Variants in TESPA1 observed in about 807,000 individuals in gnomAD.
The protein encoded by TESPA1 is protein TESPA1.
TESPA1 carries 33 observed loss-of-function variants against 57.9 expected under a neutral mutation model. The ratio of observed to expected loss-of-function variants is 0.57; its 90% CI spans 0.43 to 0.76. The LOEUF is 0.76. TESPA1 is among the 30% of genes least tolerant of loss of function. TESPA1 has a pLI of 0.00. For missense variants in TESPA1, 618 were observed against 632.9 expected, an observed-to-expected ratio of 0.98 and a Z score of 0.25; for synonymous variants, 227 against 228.9, an observed-to-expected ratio of 0.99 and a Z score of 0.07.
rs922800762 is a variant in TESPA1, at chr12:54,984,644, C to A, written c.-105G>T. ...GCAGTTGTCGAAGCTGGGCCGAGGC[C>A]TTCACAGGTGTGGGCACAGAGGTGA... is the stretch of plus-strand genomic sequence containing the variant. On this transcript the variant is annotated 5_prime_UTR_variant, in exon 1 of 11. It adds an upstream start codon to the 5' untranslated region. Coordinates refer to ENST00000449076, the MANE Select transcript of TESPA1 (RefSeq NM_001136030.3). The A allele has an allele frequency of 6.6e-6, 1 of 152,314 alleles. No homozygotes were observed. Among genetic ancestry groups the A allele is most frequent in the Non-Finnish European group, 1.5e-5 (1 of 68,114 alleles). The allele number at this position is 152,314 out of a possible 1,614,324, so 9.4% of individuals were successfully genotyped here. A position where few individuals can be genotyped will look rare whatever the true frequency, so the allele number is the denominator to read the frequency against.
intron 1 of TESPA1, among the ~76,000 whole-genome samples, chr12:54,979,373 C>T (rs1289106895): frequency 1.3e-5 from 2 of 152,130 alleles, no homozygotes; most frequent in African/African-American, 4.8e-5. Context: ...GATATCTGTT[C>T]TCCAATTTTC....
Position 54,974,531 on chromosome 12 carries a change from C to T in TESPA1, c.32G>A (p.Trp11Ter). 3 of 1,599,804 alleles carry T rather than the reference C, an allele frequency of 1.9e-6. No homozygotes were observed. Among genetic ancestry groups the T allele is most frequent in the Non-Finnish European group, 2.6e-6 (3 of 1,173,158 alleles). Residue 11 changes from tryptophan to a stop codon, truncating the protein, a stop_gained, in exon 2 of 11, where the codon TGG (tryptophan) becomes TAG (stop). Coordinates refer to ENST00000449076, the MANE Select transcript of TESPA1 (RefSeq NM_001136030.3). LOFTEE classifies it high-confidence loss of function. MEASVLSPTSWEKRRAWLRQS... is the reference protein window; with the variant it reads MEASVLSPTS ...ACGGAGCCAGGCCCGCCGTTTCTCC[C>T]AGGATGTGGGGCTCAGCACAGAGGC...
rs1300476232 is a variant in TESPA1, at chr12:54,966,131, C to T, written c.368G>A (p.Arg123Lys). The change falls in exon 7 of 11, where the codon AGG becomes AAG. Residue 123 changes from arginine to lysine, a missense_variant. Arg to Lys is a conservative substitution (Grantham distance 26). This residue lies in a region of TESPA1 where 199 missense variants were observed against 184.0 expected (regional missense o/e 1.08). Coordinates refer to ENST00000449076, the MANE Select transcript of TESPA1 (RefSeq NM_001136030.3). ...LFSRSFLETA[R>K]PCQLLDLGCS... ...GCCAAGATCAAGTAGCTGGCAAGGC[C>T]TGGCTGTCTCGAGGAAACTCCTGCA... is the stretch of plus-strand genomic sequence containing the variant. 1 of 1,570,938 alleles carries T rather than the reference C, an allele frequency of 6.4e-7. No individual in the cohort carries two copies. The highest frequency in any genetic ancestry group is 8.6e-7 in the Non-Finnish European group (1 of 1,157,218).
At chr12:54,959,067 G>T (rs571189496) in intron 10 of TESPA1, among the ~76,000 whole-genome samples, 1 of 152,088 alleles carries the variant, frequency 6.6e-6, no homozygotes, top group Non-Finnish European at 1.5e-5. Flanking sequence ...AACTGGACGC[G>T]ATGTACTGAG....
chr12:54,962,471 G>A lies in TESPA1; in HGVS notation c.1427C>T (p.Ser476Phe), dbSNP rs1951139908. 1 of 1,612,518 alleles carries A rather than the reference G, an allele frequency of 6.2e-7. No homozygotes were observed. The highest frequency in any genetic ancestry group is 2.2e-5 in the East Asian group (1 of 44,864). ...QSVDRPELRRSLSQQPQDTFD... is the reference protein window; with the variant it reads ...QSVDRPELRRFLSQQPQDTFD... Reference sequence around the variant, plus strand: ...AGTGTCCTGTGGCTGCTGGCTTAAAGACCGACGCAGTTCTGGTCTGTCTAC... The same window carrying A: ...AGTGTCCTGTGGCTGCTGGCTTAAAAACCGACGCAGTTCTGGTCTGTCTAC... The change falls in exon 9 of 11, where the codon TCT becomes TTT. Residue 476 changes from serine to phenylalanine, a missense_variant. Transcript: ENST00000449076.
At chr12:54,971,298 G>A (rs935910731) in intron 3 of TESPA1, among the ~76,000 whole-genome samples, 5 of 152,218 alleles carry the variant, frequency 3.3e-5, no homozygotes, top group African/African-American at 1.2e-4. Flanking sequence ...TTTCCTCTGT[G>A]GCCTTGGAGC....
In TESPA1 at chr12:54,950,220, T is replaced by C. The variant is rs1188845342; in HGVS notation, c.*172A>G. 2.2e-6 allele frequency: 1 copy of C among 455,294 alleles called. No homozygotes were observed. The highest frequency in any genetic ancestry group is 2.4e-5 in the Admixed American group (1 of 42,490). 28.2% of individuals were successfully genotyped at this position (455,294 alleles called of 1,614,324 possible). On this transcript the variant is annotated 3_prime_UTR_variant, in exon 11 of 11. Transcript: ENST00000449076. Reference sequence around the variant, plus strand: ...GATTCCAAATCGCTCAGTCTGGTCTTCCTCCCCATGTACCATGCTGCCTTT... The same window carrying C: ...GATTCCAAATCGCTCAGTCTGGTCTCCCTCCCCATGTACCATGCTGCCTTT...
intron 10 of TESPA1, among the ~76,000 whole-genome samples, chr12:54,955,336 C>T (rs1045417170): frequency 3.9e-5 from 6 of 152,198 alleles, no homozygotes; most frequent in African/African-American, 1.4e-4. Flanking sequence ...TGACATCCAT[C>T]CCTTTGAAAT....
intron 10 of TESPA1, among the ~76,000 whole-genome samples, chr12:54,951,765 T>C (rs1308399685): frequency 1.4e-5 from 2 of 142,210 alleles, no homozygotes; most frequent in Non-Finnish European, 3.0e-5. Flanking sequence ...ACTTGGTTTC[T>C]ATTTGCAACC....
At position 54,963,024 on chromosome 12, in the gene TESPA1, G is replaced by A; in HGVS notation, c.874C>T (p.Leu292=). The change falls in exon 9 of 11, where the codon CTG becomes TTG. Residue 292 remains leucine, a synonymous_variant. Coordinates refer to ENST00000449076, the MANE Select transcript of TESPA1 (RefSeq NM_001136030.3). ...GGCCGGTCTCGGGGGCATGTGTACAGACACATCTTGGAGATGGCTTTCCGA... is the reference window on the plus strand; with the variant it reads ...GGCCGGTCTCGGGGGCATGTGTACAAACACATCTTGGAGATGGCTTTCCGA... ...RLRKAISKMC[L]YTCPRDRPPP... 1 of 1,613,984 alleles carries A rather than the reference G, an allele frequency of 6.2e-7. No homozygotes were observed. The highest frequency in any genetic ancestry group is 8.5e-7 in the Non-Finnish European group (1 of 1,179,894).
chr12:54,953,754 T>G (rs974759809), intron 10 of TESPA1, among the ~76,000 whole-genome samples: 1 of 152,092 alleles, frequency 6.6e-6, no homozygotes, highest in African/African-American at 2.4e-5. Flanking sequence ...TCTCCTGACC[T>G]CGTGATCTGC....
At chr12:54,967,063 T>G (rs1474652330) in intron 5 of TESPA1, 120 bp downstream of exon 5, 1 of 1,105,292 alleles carries the variant, frequency 9.0e-7, no homozygotes, top group Non-Finnish European at 1.3e-6. Flanking sequence ...CCTTTCCCTG[T>G]AGATAAGACC....
chr12:54,951,611 G>A (rs1950395525), intron 10 of TESPA1, among the ~76,000 whole-genome samples: 1 of 150,942 alleles, frequency 6.6e-6, no homozygotes, highest in Non-Finnish European at 1.5e-5. Flanking sequence ...TTAAAGCCTT[G>A]TCACCCAAAT....
At chr12:54,973,243 A>G (rs1951949124) in intron 3 of TESPA1, among the ~76,000 whole-genome samples, 1 of 152,140 alleles carries the variant, frequency 6.6e-6, no homozygotes, top group African/African-American at 2.4e-5. Context: ...CCCAACCTCT[A>G]TTCCTAGACC....
At chr12:54,956,670 G>C (rs986969814) in intron 10 of TESPA1, among the ~76,000 whole-genome samples, 1 of 152,184 alleles carries the variant, frequency 6.6e-6, no homozygotes, top group Non-Finnish European at 1.5e-5. Context: ...TAATAGAAAA[G>C]GTGCCTGTTT....
intron 10 of TESPA1, among the ~76,000 whole-genome samples, chr12:54,958,134 A>T (rs1220428469): frequency 6.6e-6 from 1 of 152,210 alleles, no homozygotes; most frequent in Admixed American, 6.5e-5. Context: ...TTGTGAGAGG[A>T]ACTTGTGTTC....
At chr12:54,977,988 C>T (rs1592424784) in intron 1 of TESPA1, among the ~76,000 whole-genome samples, 1 of 151,574 alleles carries the variant, frequency 6.6e-6, no homozygotes, top group East Asian at 1.9e-4. Flanking sequence ...GGAAGCTGTA[C>T]TGCTGGGAGA....
chr12:54,974,126 A>G (rs1030973478), intron 2 of TESPA1, among the ~76,000 whole-genome samples: 14 of 152,372 alleles, frequency 9.2e-5, no homozygotes, highest in African/African-American at 2.9e-4. Context: ...AAGCATTCAT[A>G]GAGAGCCCCC....
At chr12:54,950,729 A>G (rs1398870172) in intron 10 of TESPA1, among the ~76,000 whole-genome samples, 2 of 152,206 alleles carry the variant, frequency 1.3e-5, no homozygotes, top group Admixed American at 6.5e-5. Flanking sequence ...TGAGCCTAAC[A>G]TTATTCACCT....
Sources: allele counts gnomAD v4.1 joint callset (sites outside exome capture counted in the v4.1 genomes callset), GRCh38; gene constraint gnomAD v4.1.1; regional missense constraint gnomAD v4.1.1; transcripts MANE v1.5; gene names NCBI Gene and HGNC (gene_info 2026-07-23, HGNC 2026-07-21).